Variants in IQSEC1 observed in about 807,000 individuals in gnomAD.
The protein encoded by IQSEC1 is IQ motif and SEC7 domain-containing protein 1.
Under a neutral mutation model 91.0 loss-of-function variants are expected in IQSEC1, and 31 were observed. The ratio of observed to expected loss-of-function variants is 0.34; its 90% CI spans 0.26 to 0.46. The LOEUF is 0.46. IQSEC1 is among the 20% of genes least tolerant of loss of function. IQSEC1 has a pLI of 1.00. For missense variants in IQSEC1, 1,388 were observed against 1,575.6 expected (o/e 0.88, Z 2.02); for synonymous variants, 699 against 662.6 (o/e 1.05, Z -0.84).
At chr3:13,124,524 C>G (rs190165327) in intron 2 of IQSEC1, among the ~76,000 whole-genome samples, 18 of 152,250 alleles carry the variant, frequency 1.2e-4, no homozygotes, top group African/African-American at 4.1e-4. Context: ...AAACAGAGAC[C>G]GAGAGTAGCT....
Position 12,909,200 on chromosome 3 carries a change from T to C in IQSEC1, c.2578+73A>G. ...TTGTCTCTGTGAGCTCAGAAGTCAC[T>C]GCCCTGACATGGGGAGGCAAGTGCC... On this transcript the variant is annotated intron_variant, in intron 11 of 13. Transcript: ENST00000613206. The surrounding 1 kb of genome is among the most constrained non-coding windows in gnomAD (Gnocchi z 4.9). 6.6e-7 allele frequency: 1 copy of C among 1,504,212 alleles called. No individual in the cohort carries two copies. The highest frequency in any genetic ancestry group is 9.1e-7 in the Non-Finnish European group (1 of 1,093,538). 93.2% of individuals were successfully genotyped at this position (1,504,212 alleles called of 1,614,324 possible).
chr3:13,241,079 G>A (rs1033925274), intron 1 of IQSEC1, among the ~76,000 whole-genome samples: 5 of 152,178 alleles, frequency 3.3e-5, no homozygotes, highest in African/African-American at 4.8e-5. Context: ...AGAATGTGCC[G>A]CACAGTCCAA....
intron 1 of IQSEC1, among the ~76,000 whole-genome samples, chr3:13,248,361 C>G (rs772895300): frequency 5.9e-5 from 9 of 152,206 alleles, no homozygotes. Context: ...TCTGGACTTC[C>G]TGGCCTCATC....
At chr3:13,245,576 G>A (rs1034227203) in intron 1 of IQSEC1, among the ~76,000 whole-genome samples, 3 of 152,146 alleles carry the variant, frequency 2.0e-5, no homozygotes, top group African/African-American at 7.2e-5. Flanking sequence ...AGACCGGCCT[G>A]GCCAACATGG....
chr3:12,983,229 A>G lies in IQSEC1; in HGVS notation c.24-41364T>C, dbSNP rs867490561. ...CACCTAAGCCCCATCCTCTGCAAAC[A>G]GGGGTTTCACCCAACCTTCCCCAGG... On this transcript the variant is annotated intron_variant, in intron 1 of 13. Coordinates refer to ENST00000613206, the MANE Select transcript of IQSEC1 (RefSeq NM_001134382.3). This position sits in a 1 kb window ranked among gnomAD's most constrained non-coding sequence, Gnocchi z 4.3. Among the ~76,000 whole-genome samples, 1 of 152,270 alleles carries G rather than the reference A, an allele frequency of 6.6e-6. No homozygotes were observed. Among genetic ancestry groups the G allele is most frequent in the South Asian group, 2.1e-4 (1 of 4,824 alleles).
At chr3:13,075,668 G>A (rs1055627539), upstream of IQSEC1, among the ~76,000 whole-genome samples, 1 of 152,166 alleles carries the variant, frequency 6.6e-6, no homozygotes, top group Non-Finnish European at 1.5e-5. Flanking sequence ...AAGGACCCTG[G>A]CATTCAGATA....
intron 1 of IQSEC1, among the ~76,000 whole-genome samples, chr3:12,981,312 G>A (rs1378145154): frequency 3.3e-5 from 5 of 152,200 alleles, no homozygotes; most frequent in African/African-American, 1.2e-4. Context: ...GATAAAGTTA[G>A]CTATACAAGG....
At chr3:13,022,895 G>A (rs1269662780) in intron 1 of IQSEC1, among the ~76,000 whole-genome samples, 1 of 152,242 alleles carries the variant, frequency 6.6e-6, no homozygotes, top group Non-Finnish European at 1.5e-5. Flanking sequence ...GCTGTTTGAT[G>A]CTGGGCGTGG....
intron 1 of IQSEC1, among the ~76,000 whole-genome samples, chr3:13,232,181 G>A (rs761402168): frequency 1.3e-5 from 2 of 152,232 alleles, no homozygotes; most frequent in Non-Finnish European, 2.9e-5. Flanking sequence ...GAGTTGCGAA[G>A]TGTTTGCTAT....
intron 2 of IQSEC1, among the ~76,000 whole-genome samples, chr3:13,150,423 C>T (rs1437223415): frequency 2.0e-5 from 3 of 152,220 alleles, no homozygotes; most frequent in Admixed American, 6.5e-5. Flanking sequence ...TAGCAGGGAA[C>T]TTGTCAGTTC....
chr3:13,278,557 G>T (rs1287480891), intron 1 of IQSEC1, among the ~76,000 whole-genome samples: 1 of 152,176 alleles, frequency 6.6e-6, no homozygotes, highest in African/African-American at 2.4e-5. Context: ...GGTGGCTCAC[G>T]CCTGTAATCC....
chr3:13,211,662 A>G lies in IQSEC1; in HGVS notation c.273-47529T>C, dbSNP rs1402096361. On this transcript the variant is annotated intron_variant, in intron 1 of 15. Coordinates refer to the IQSEC1 transcript ENST00000648114. The surrounding 1 kb of genome is among the most constrained non-coding windows in gnomAD (Gnocchi z 5.3). ...GCCTATCCCTGAAGGCCAGGCCAGG[A>G]CCCACGAACTGGCACCACCCCAGCC... 6.6e-6 allele frequency among the ~76,000 whole-genome samples: 1 copy of G among 151,974 alleles called. No individual in the cohort carries two copies. The highest frequency in any genetic ancestry group is 2.4e-5 in the African/African-American group (1 of 41,368).
At chr3:13,089,841 T>C (rs574535607) in intron 2 of IQSEC1, among the ~76,000 whole-genome samples, 1 of 152,316 alleles carries the variant, frequency 6.6e-6, no homozygotes, top group South Asian at 2.1e-4. Context: ...GTGATGAAAA[T>C]GTTTTAAAAC....
intron 2 of IQSEC1, among the ~76,000 whole-genome samples, chr3:13,096,465 G>A (rs997769241): frequency 1.9e-4 from 29 of 152,100 alleles, no homozygotes; most frequent in Non-Finnish European, 3.5e-4. Context: ...GAAGGGATTC[G>A]CAGTCTAGCA....
chr3:12,952,520 AC>A (rs1699618845), intron 1 of IQSEC1, among the ~76,000 whole-genome samples: 2 of 150,470 alleles, frequency 1.3e-5, no homozygotes, highest in African/African-American at 4.9e-5. Flanking sequence ...ATGCCACCCC[AC>A]CCCGCCCCTC....
At chr3:13,053,198 G>T in intron 1 of IQSEC1, 1 of 693,882 alleles carries the variant, frequency 1.4e-6, no homozygotes, top group South Asian at 1.5e-5. Flanking sequence ...TTTTAACCTT[G>T]TTTCCCTGTT....
Position 13,259,848 on chromosome 3 carries a change from C to T in IQSEC1, c.272+22863G>A, listed in dbSNP as rs1430935778. On this transcript the variant is annotated intron_variant, in intron 1 of 15. Transcript: ENST00000648114. This position sits in a 1 kb window ranked among gnomAD's most constrained non-coding sequence, Gnocchi z 4.6. ...TCAACGGGGCTTGCTTGTTGTGGCG[C>T]TCAGCGGGAGAAGTTTCTACCATAT... is the stretch of plus-strand genomic sequence containing the variant. 6.6e-6 allele frequency among the ~76,000 whole-genome samples: 1 copy of T among 152,268 alleles called. No homozygotes were observed. The highest frequency in any genetic ancestry group is 1.5e-5 in the Non-Finnish European group (1 of 68,044).
intron 2 of IQSEC1, among the ~76,000 whole-genome samples, chr3:13,122,943 C>T (rs985616976): frequency 3.3e-5 from 5 of 152,156 alleles, no homozygotes; most frequent in African/African-American, 9.7e-5. Flanking sequence ...GCTGGTGACC[C>T]GGCCCTGCCC....
Position 13,179,459 on chromosome 3 carries a change from C to T in IQSEC1, c.273-15326G>A, listed in dbSNP as rs1015041212. Among the ~76,000 whole-genome samples the T allele has an allele frequency of 2.0e-5, 3 of 152,378 alleles. No homozygotes were observed. In the East Asian group the frequency reaches 5.8e-4, roughly 29 times the overall value. ...GGAATGAAAACTGTCAACCCACAAG[C>T]CTATACCTCGTGGAAATATCATCAC... On this transcript the variant is annotated intron_variant, in intron 1 of 15. Transcript: ENST00000648114.
Sources: allele counts gnomAD v4.1 joint callset (sites outside exome capture counted in the v4.1 genomes callset), GRCh38; gene constraint gnomAD v4.1.1; non-coding constraint Gnocchi (gnomAD v3.1); transcripts MANE v1.5; gene names NCBI Gene and HGNC (gene_info 2026-07-23, HGNC 2026-07-21).